The following SEPTIN5 variants were observed in gnomAD, a reference collection of about 807,000 sequenced individuals.
SEPTIN5 encodes the protein septin 5, also known as septin-5.
A neutral mutation model predicts 51.2 loss-of-function variants in SEPTIN5; 16 were observed. That is an observed-to-expected ratio of 0.31 (90% CI 0.21 to 0.47). SEPTIN5 has a LOEUF of 0.47. Among genes scored for constraint, SEPTIN5 ranks in the 20% least tolerant of loss-of-function variants. The pLI is 0.99. For synonymous variants in SEPTIN5, 208 were observed against 191.2 expected (o/e 1.09, Z -0.72); for missense variants, 376 against 500.3 (o/e 0.75, Z 2.37).
intron 10 of SEPTIN5, 109 bp from the exon 11 acceptor site, chr22:19,722,128 C>A: frequency 8.3e-7 from 1 of 1,199,134 alleles, no homozygotes; most frequent in Non-Finnish European, 1.2e-6. Context: ...GCTGTGAGGG[C>A]TCCGGAGGGC....
At chr22:19,720,479 C>A (rs776337537) in intron 6 of SEPTIN5, 25 bp downstream of exon 6, 22 of 1,613,010 alleles carry the variant, frequency 1.4e-5, no homozygotes, top group Non-Finnish European at 1.9e-5. Flanking sequence ...TGGGGCCAGG[C>A]TCGGGAGTGC....
chr22:19,719,540 G>A (rs150102024), intron 2 of SEPTIN5, 62 bp from the exon 3 acceptor site: 1 of 1,360,196 alleles, frequency 7.4e-7, no homozygotes, highest in African/African-American at 1.4e-5. Context: ...TTTGGTAAGA[G>A]ACAGGGTATT....
intron 2 of SEPTIN5, 58 bp from the exon 3 acceptor site, chr22:19,719,544 G>A (rs1601241119): frequency 1.4e-6 from 2 of 1,384,724 alleles, no homozygotes; most frequent in Admixed American, 3.6e-5. Context: ...GTAAGAGACA[G>A]GGTATTGGGC....
chr22:19,720,103 C>T lies in SEPTIN5; in HGVS notation c.239-12C>T. 1 of 1,612,952 alleles carries T rather than the reference C, an allele frequency of 6.2e-7. No individual in the cohort carries two copies. Among genetic ancestry groups the T allele is most frequent in the Non-Finnish European group, 8.5e-7 (1 of 1,179,980 alleles). On this transcript the variant is annotated splice_polypyrimidine_tract_variant and intron_variant, in intron 4 of 11. Coordinates refer to ENST00000455784, the MANE Select transcript of SEPTIN5 (RefSeq NM_002688.6). ...GGTTGGAGAGGCCCTTCCAGTGGCC[C>T]CTTCCCCGTAGAGCGCATCAGCCAG... is the stretch of plus-strand genomic sequence containing the variant.
chr22:19,723,241 G>T lies in SEPTIN5; in HGVS notation c.*757G>T. The T allele has an allele frequency of 1.5e-6, 1 of 657,872 alleles. No homozygotes were observed. Among genetic ancestry groups the T allele is most frequent in the South Asian group, 1.5e-5 (1 of 66,388 alleles). 40.8% of individuals were successfully genotyped at this position (657,872 alleles called of 1,614,324 possible). A position where few individuals can be genotyped will look rare whatever the true frequency, so the allele number is the denominator to read the frequency against. On this transcript the variant is annotated 3_prime_UTR_variant, in exon 12 of 12. Transcript: ENST00000455784. ...GTTCCCACCCGCATGATCCCTTCCC[G>T]CCACACGATGCTCCGTTTTCTTCCG...
In SEPTIN5 at chr22:19,720,219, G is replaced by T. The variant is rs758674594; in HGVS notation, c.343G>T (p.Ala115Ser). ...TIVDTPGFGD[A>S]VNNTECWKPI... ...CGTGGACACGCCGGGATTCGGGGAC[G>T]CTGTCAACAACACCGAGTGGTGAGT... The change falls in exon 5 of 12, where the codon GCT becomes TCT. Residue 115 changes from alanine (A) to serine (S), a missense_variant. Physicochemically the swap from Ala to Ser is moderately conservative, Grantham distance 99 (BLOSUM62 1). Transcript: ENST00000455784. 2 of 1,613,542 alleles carry T rather than the reference G, an allele frequency of 1.2e-6. No individual in the cohort carries two copies. The highest frequency in any genetic ancestry group is 1.7e-6 in the Non-Finnish European group (2 of 1,180,006).
chr22:19,721,575 G>T, intron 8 of SEPTIN5, 65 bp from the exon 9 acceptor site: 2 of 1,571,248 alleles, frequency 1.3e-6, no homozygotes, highest in Non-Finnish European at 1.7e-6. Flanking sequence ...TTACATGCCC[G>T]TTTCCCATCA....
intron 11 of SEPTIN5, 44 bp downstream of exon 11, chr22:19,722,383 C>A: frequency 6.3e-7 from 1 of 1,593,812 alleles, no homozygotes; most frequent in African/African-American, 1.3e-5. Context: ...GTCAGGGATG[C>A]TCCTCCGCGG....
In SEPTIN5 at chr22:19,722,437, A is replaced by C; in HGVS notation, c.1063A>C (p.Met355Leu). Residue 355 changes from methionine (M) to leucine (L), a missense_variant, in exon 12 of 12, where the codon ATG (methionine) becomes CTG (leucine). By Grantham distance (15) the Met-to-Leu change is conservative. This residue lies in a region of SEPTIN5 where 89 missense variants were observed against 83.3 expected (regional missense o/e 1.07). Transcript: ENST00000455784. ...IRMKDEELRRMQEMLQRMKQQ... is the reference protein window; with the variant it reads ...IRMKDEELRRLQEMLQRMKQQ... The stretch of plus-strand genomic sequence containing the variant: ...TTGTCTCCGCCCGCAGCTGAGGCGC[A>C]TGCAGGAGATGCTGCAGAGGATGAA... 4 of 1,601,792 alleles carry C rather than the reference A, an allele frequency of 2.5e-6. No individual in the cohort carries two copies. The highest frequency in any genetic ancestry group is 3.4e-6 in the Non-Finnish European group (4 of 1,174,552).
At chr22:19,718,945 C>T in intron 2 of SEPTIN5, 2 of 1,003,892 alleles carry the variant, frequency 2.0e-6, no homozygotes, top group African/African-American at 1.7e-5. Flanking sequence ...TCCGCAGCGG[C>T]CTCGCAGGTC....
At chr22:19,721,061 CT>C (rs1006954268) in intron 8 of SEPTIN5, among the ~76,000 whole-genome samples, 192 bp downstream of exon 8, 2 of 152,216 alleles carry the variant, frequency 1.3e-5, no homozygotes, top group African/African-American at 4.8e-5. Context: ...GTCACCATGT[CT>C]TTGCCTGGCT....
intron 8 of SEPTIN5, among the ~76,000 whole-genome samples, chr22:19,721,070 G>A (rs1344328869): frequency 6.6e-6 from 1 of 152,206 alleles, no homozygotes; most frequent in Admixed American, 6.5e-5. Flanking sequence ...TCTTTGCCTG[G>A]CTGGGGTGGG....
chr22:19,717,530 G>T, intron 2 of SEPTIN5: 1 of 350,444 alleles, frequency 2.9e-6, no homozygotes. Flanking sequence ...GTCTCTGAGG[G>T]CAGGGCCACC....
chr22:19,718,796 C>G, intron 2 of SEPTIN5: 1 of 1,237,540 alleles, frequency 8.1e-7, no homozygotes, highest in Non-Finnish European at 1.0e-6. Flanking sequence ...TCGCCGCGGA[C>G]CCAGGCCCAG....
At chr22:19,717,454 G>T in intron 2 of SEPTIN5, 1 of 424,098 alleles carries the variant, frequency 2.4e-6, no homozygotes, top group Non-Finnish European at 4.9e-6. Flanking sequence ...TGGTGAGGAT[G>T]CTCAGAGGGC....
At chr22:19,720,496 T>C in intron 6 of SEPTIN5, 42 bp downstream of exon 6, 1 of 1,613,316 alleles carries the variant, frequency 6.2e-7, no homozygotes, top group Non-Finnish European at 8.5e-7. Flanking sequence ...GTGCAGCCCC[T>C]ACAATATGGC....
At chr22:19,720,018 G>A (rs974215055) in intron 4 of SEPTIN5, 97 bp from the exon 5 acceptor site, 3 of 1,604,390 alleles carry the variant, frequency 1.9e-6, no homozygotes, top group Admixed American at 3.3e-5. Context: ...CTGGGGGTAG[G>A]GCCAAGGCAC....
chr22:19,722,463 G>A lies in SEPTIN5; in HGVS notation c.1089G>A (p.Lys363=). Residue 363 remains lysine (K), a synonymous_variant, in exon 12 of 12, where the codon AAG becomes AAA. Coordinates refer to ENST00000455784, the MANE Select transcript of SEPTIN5 (RefSeq NM_002688.6). ...RRMQEMLQRM[K]QQMQDQ ...TGCAGGAGATGCTGCAGAGGATGAA[G>A]CAGCAGATGCAGGACCAGTGACGCT... 6.2e-7 allele frequency: 1 copy of A among 1,600,420 alleles called. No individual in the cohort carries two copies. Among genetic ancestry groups the A allele is most frequent in the Non-Finnish European group, 8.5e-7 (1 of 1,173,838 alleles).
rs1408687257 is a variant in SEPTIN5 at position 19,714,855 on chromosome 22, G to A, written c.54+64G>A. 38 of 1,557,960 alleles carry A rather than the reference G, an allele frequency of 2.4e-5. No homozygotes were observed. The highest frequency in any genetic ancestry group is 1.8e-5 in the Non-Finnish European group (21 of 1,156,644). ...CCGGCTGTCACCCATTGTGACACTA[G>A]CGCCTTGGGCGCCCAGGCGCGACCC... On this transcript the variant is annotated intron_variant, in intron 2 of 11. Coordinates refer to ENST00000455784, the MANE Select transcript of SEPTIN5 (RefSeq NM_002688.6). The surrounding 1 kb of genome is among the most constrained non-coding windows in gnomAD (Gnocchi z 5.2).
Sources: gnomAD v4.1 joint callset for allele counts (sites outside exome capture counted in the v4.1 genomes callset) on GRCh38, gnomAD v4.1.1 for gene constraint, gnomAD v4.1.1 regional missense constraint, Gnocchi (gnomAD v3.1) non-coding constraint, MANE v1.5 for transcripts, NCBI Gene and HGNC (gene_info 2026-07-23, HGNC 2026-07-21) for gene names.